Variants in SP100 observed in about 807,000 individuals in gnomAD.
The protein encoded by SP100 is SP100 nuclear body protein, also known as nuclear autoantigen Sp-100.
A neutral mutation model predicts 130.0 loss-of-function variants in SP100; 84 were observed. That is an observed-to-expected ratio of 0.65 (90% CI 0.54 to 0.77). The LOEUF (loss-of-function observed/expected upper bound fraction) is 0.77. Among genes scored for constraint, SP100 ranks in the 30% least tolerant of loss-of-function variants. The pLI is 0.00. For synonymous variants in SP100, 331 were observed against 351.7 expected, an observed-to-expected ratio of 0.94 and a Z score of 0.66; for missense variants, 978 against 1,052.2, an observed-to-expected ratio of 0.93 and a Z score of 0.97.
intron 2 of SP100, among the ~76,000 whole-genome samples, chr2:230,434,648 T>C (rs1234405805): frequency 6.6e-6 from 1 of 152,014 alleles, no homozygotes; most frequent in Non-Finnish European, 1.5e-5. Context: ...GGGGGCAGGC[T>C]AAGGGGATTG....
Position 230,542,963 on chromosome 2 carries a change from C to T in SP100, c.*17C>T, listed in dbSNP as rs771236575. ...TTTATTTAGCCATTCTTATCTCCTC[C>T]CTTCAGATCCTCTGGCAGCTAGCTA... On this transcript the variant is annotated 3_prime_UTR_variant, in exon 29 of 29. Coordinates refer to ENST00000340126, the MANE Select transcript of SP100 (RefSeq NM_001080391.2). The T allele has an allele frequency of 2.8e-5, 38 of 1,355,060 alleles. No homozygotes were observed. The highest frequency in any genetic ancestry group is 4.0e-5 in the Non-Finnish European group (38 of 947,426). The allele number at this position is 1,355,060 out of a possible 1,614,324, so 83.9% of individuals were successfully genotyped here.
chr2:230,517,336 A>T (rs1013949473), intron 24 of SP100, among the ~76,000 whole-genome samples: 2 of 152,256 alleles, frequency 1.3e-5, no homozygotes, highest in Admixed American at 1.3e-4. Context: ...TCATTTAACC[A>T]GAGTTATAAT....
At position 230,540,999 on chromosome 2, in the gene SP100, G is replaced by A. The variant is rs1692151070; in HGVS notation, c.2331+3G>A. On this transcript the variant is annotated splice_donor_region_variant and intron_variant, in intron 26 of 28. Coordinates refer to ENST00000340126, the MANE Select transcript of SP100 (RefSeq NM_001080391.2). Reference sequence around the variant, plus strand: ...AGATGCTGCCTGAGGAGCAGTTGGTGAGTAAAAATGTGAACCTGAAGCCTC... The same window carrying A: ...AGATGCTGCCTGAGGAGCAGTTGGTAAGTAAAAATGTGAACCTGAAGCCTC... 5 of 1,607,848 alleles carry A rather than the reference G, an allele frequency of 3.1e-6. 1 individual carries two copies. The highest frequency in any genetic ancestry group is 3.3e-4 in the Middle Eastern group (2 of 6,022).
chr2:230,535,226 C>T (rs908322684), intron 24 of SP100, among the ~76,000 whole-genome samples: 2 of 151,774 alleles, frequency 1.3e-5, no homozygotes, highest in African/African-American at 4.8e-5. Flanking sequence ...TAATCAGCTA[C>T]AGTCCATGGT....
At chr2:230,439,278 G>A (rs2063393205) in intron 2 of SP100, among the ~76,000 whole-genome samples, 3 of 151,958 alleles carry the variant, frequency 2.0e-5, no homozygotes, top group Admixed American at 6.6e-5. Context: ...TTGGCAATGT[G>A]GGCCCTTTTT....
intron 2 of SP100, among the ~76,000 whole-genome samples, chr2:230,438,968 A>G (rs148265631): frequency 0.016 from 2,476 of 152,302 alleles, 74 homozygotes; most frequent in African/African-American, 0.054. Context: ...CATTCCCACC[A>G]GCAGTGTAAA....
intron 2 of SP100, among the ~76,000 whole-genome samples, chr2:230,428,048 T>C (rs924546062): frequency 1.4e-4 from 22 of 152,148 alleles, no homozygotes; most frequent in African/African-American, 4.6e-4. Context: ...CTGGCCAACA[T>C]AGTGAAACCC....
At chr2:230,447,222 C>G (rs999270780) in intron 5 of SP100, among the ~76,000 whole-genome samples, 2 of 152,106 alleles carry the variant, frequency 1.3e-5, no homozygotes, top group Non-Finnish European at 2.9e-5. Context: ...AACCACAGCC[C>G]GTGGCCCGTG....
At chr2:230,469,754 T>C in intron 14 of SP100, 1 of 1,322,066 alleles carries the variant, frequency 7.6e-7, no homozygotes, top group Non-Finnish European at 9.9e-7. Flanking sequence ...GGATGATTTA[T>C]AATAAATACA....
intron 16 of SP100, 29 bp downstream of exon 16, chr2:230,473,469 A>G (rs757745966): frequency 1.4e-6 from 2 of 1,390,192 alleles, no homozygotes; most frequent in South Asian, 2.3e-5. Context: ...CTTGGGATGG[A>G]AGTGGCTCAG....
intron 22 of SP100, chr2:230,506,804 C>G (rs1375972523): frequency 6.3e-6 from 1 of 157,700 alleles, no homozygotes; most frequent in Non-Finnish European, 1.4e-5. Flanking sequence ...CACACACACA[C>G]ACACACACAC....
intron 27 of SP100, 122 bp downstream of exon 27, chr2:230,541,494 G>T (rs961259731): frequency 1.3e-6 from 1 of 786,096 alleles, no homozygotes; most frequent in African/African-American, 1.7e-5. Flanking sequence ...GGCTACTATA[G>T]AAATTTATCA....
intron 2 of SP100, among the ~76,000 whole-genome samples, chr2:230,438,896 GAT>G (rs2063382924): frequency 1.3e-5 from 2 of 152,168 alleles, no homozygotes; most frequent in South Asian, 4.1e-4. Context: ...GGGATTGCTG[GAT>G]CAAATGATAG....
Position 230,460,592 on chromosome 2 carries a change from C to CTTTTTTT in SP100, c.821-634_821-628dup, listed in dbSNP as rs1193506734. On this transcript the variant is annotated intron_variant, in intron 8 of 28. Coordinates refer to ENST00000340126, the MANE Select transcript of SP100 (RefSeq NM_001080391.2). ...TGTCTGGGGTATTGGTAATCTGTTTCTTTTTTTTTTTTTTTTTTTTTTTTT... is the reference window on the plus strand; with the variant it reads ...TGTCTGGGGTATTGGTAATCTGTTTCTTTTTTTTTTTTTTTTTTTTTTTTTTTTTTTT... 2.5e-3 allele frequency among the ~76,000 whole-genome samples: 43 copies of CTTTTTTT among 17,192 alleles called. 11 individuals are homozygous for CTTTTTTT. Among genetic ancestry groups the CTTTTTTT allele is most frequent in the East Asian group, 0.012 (8 of 676 alleles). The allele number at this position is 17,192 out of a possible 152,430, so 11.3% of individuals were successfully genotyped here. A position where few individuals can be genotyped will look rare whatever the true frequency, so the allele number is the denominator to read the frequency against.
In SP100 at chr2:230,423,813, G is replaced by A. The variant is rs536867995; in HGVS notation, c.107+6148G>A. Reference sequence around the variant, plus strand: ...TTTAAAATTTCTCAGTGGAACGAGTGGGGGAAGTCGTCCTCTGTCCTTTGG... The same window carrying A: ...TTTAAAATTTCTCAGTGGAACGAGTAGGGGAAGTCGTCCTCTGTCCTTTGG... On this transcript the variant is annotated intron_variant, in intron 2 of 28. Coordinates refer to ENST00000340126, the MANE Select transcript of SP100 (RefSeq NM_001080391.2). Among the ~76,000 whole-genome samples, 23 of 152,272 alleles carry A rather than the reference G, an allele frequency of 1.5e-4. No individual in the cohort carries two copies. In the East Asian group the frequency reaches 4.0e-3, roughly 27 times the overall value.
intron 12 of SP100, 50 bp downstream of exon 12, chr2:230,466,404 T>A (rs756634740): frequency 1.1e-6 from 1 of 920,704 alleles, no homozygotes; most frequent in Non-Finnish European, 1.8e-6. Context: ...CTTCTCTTCA[T>A]GGTTATAAAT....
chr2:230,457,722 G>A (rs977285311), intron 8 of SP100, among the ~76,000 whole-genome samples: 5 of 152,074 alleles, frequency 3.3e-5, no homozygotes, highest in African/African-American at 9.7e-5. Context: ...TCTTTCATCT[G>A]GTTTCCTCAG....
Position 230,510,756 on chromosome 2 carries a change from A to G in SP100, c.2053-369A>G, listed in dbSNP as rs758392437. 9.3e-5 allele frequency: 25 copies of G among 267,840 alleles called. No individual in the cohort carries two copies. In the Admixed American group the frequency reaches 1.0e-3, roughly 11 times the overall value. The allele number at this position is 267,840 out of a possible 1,614,324, so 16.6% of individuals were successfully genotyped here. ...GTGATCTGCCCTCCTCGGCCTCCCAAAGTGCTGGGATTACAGGCATGAGCC... is the reference window on the plus strand; with the variant it reads ...GTGATCTGCCCTCCTCGGCCTCCCAGAGTGCTGGGATTACAGGCATGAGCC... On this transcript the variant is annotated intron_variant, in intron 23 of 28. Transcript: ENST00000340126.
intron 14 of SP100, chr2:230,469,786 AAAAAAAG>A (rs1229234806): frequency 7.2e-7 from 1 of 1,385,138 alleles, no homozygotes; most frequent in Non-Finnish European, 9.5e-7. Flanking sequence ...AAGTTAAAAA[AAAAAAAG>A]AAGAAGAAAC....
Sources: allele counts gnomAD v4.1 joint callset (sites outside exome capture counted in the v4.1 genomes callset), GRCh38; gene constraint gnomAD v4.1.1; transcripts MANE v1.5; gene names NCBI Gene and HGNC (gene_info 2026-07-23, HGNC 2026-07-21).